Variants in FOCAD observed in about 807,000 individuals in gnomAD.
FOCAD encodes KIAA1797.
FOCAD carries 198 observed loss-of-function variants against 225.6 expected under a neutral mutation model. The observed-to-expected ratio is 0.88, with a 90% CI of 0.78 to 0.99. The LOEUF (loss-of-function observed/expected upper bound fraction) is 0.99. Among genes scored for constraint, FOCAD ranks in the 50% least tolerant of loss-of-function variants. The pLI is 0.00. For synonymous variants in FOCAD, 897 were observed against 755.0 expected (o/e 1.19, Z -3.08); for missense variants, 2,713 against 2,123.6 (o/e 1.28, Z -5.46).
intron 21 of FOCAD, among the ~76,000 whole-genome samples, chr9:20,900,867 C>T (rs2131976648): frequency 6.6e-6 from 1 of 151,700 alleles, no homozygotes; most frequent in East Asian, 1.9e-4. Context: ...CTAATGTTAC[C>T]CTGATTGGAA....
At chr9:20,745,335 C>G (rs1308904670) in intron 5 of FOCAD, among the ~76,000 whole-genome samples, 1 of 152,124 alleles carries the variant, frequency 6.6e-6, no homozygotes, top group Non-Finnish European at 1.5e-5. Context: ...AGCGATCCAC[C>G]TGCTTCGGCC....
chr9:20,871,932 T>TA lies in FOCAD; in HGVS notation c.2191-2739dup, dbSNP rs200673461. On this transcript the variant is annotated intron_variant, in intron 18 of 43. Coordinates refer to ENST00000338382, the MANE Select transcript of FOCAD (RefSeq NM_001375567.1). ...ATAATAATAATAAAATAAAAAAAATTAAAAAAAAAAGAAGTGATCAGAGGA... is the reference window on the plus strand; with the variant it reads ...ATAATAATAATAAAATAAAAAAAATTAAAAAAAAAAAGAAGTGATCAGAGGA... Among the ~76,000 whole-genome samples, 539 of 145,172 alleles carry TA rather than the reference T, an allele frequency of 3.7e-3. 10 individuals carry two copies. The East Asian group carries it at 0.045, about 12-fold the overall frequency.
chr9:20,720,650 T>A, intron 4 of FOCAD, 116 bp downstream of exon 4: 3 of 991,512 alleles, frequency 3.0e-6, no homozygotes, highest in African/African-American at 1.6e-5. Context: ...TTCTTGCTCT[T>A]AAAATGTCAT....
rs1174513961 is a variant in FOCAD, at chr9:20,948,883, T to G, written c.3831T>G (p.Leu1277=). The G allele has an allele frequency of 6.2e-7, 1 of 1,613,590 alleles. No homozygotes were observed. The highest frequency in any genetic ancestry group is 8.5e-7 in the Non-Finnish European group (1 of 1,179,578). Residue 1277 remains leucine, a synonymous_variant, in exon 32 of 44, where the codon CTT becomes CTG. Transcript: ENST00000338382. Reference sequence around the variant, plus strand: ...CCACAATGCTTTGTCTGGCAGCTCTTCATGGCATGGTGGCCTTGGTAGGCT... The same window carrying G: ...CCACAATGCTTTGTCTGGCAGCTCTGCATGGCATGGTGGCCTTGGTAGGCT... ...GTPTMLCLAA[L]HGMVALVGSE...
chr9:20,923,737 G>T lies in FOCAD; in HGVS notation c.2930G>T (p.Ser977Ile). 1 of 1,613,976 alleles carries T rather than the reference G, an allele frequency of 6.2e-7. No homozygotes were observed. Among genetic ancestry groups the T allele is most frequent in the Admixed American group, 1.7e-5 (1 of 60,004 alleles). ...LAVVVSRHEASLSSDSDGLLE... is the reference protein window; with the variant it reads ...LAVVVSRHEAILSSDSDGLLE... ...GTCGTCGTATCTAGACATGAAGCCA[G>T]CCTCTCCTCAGACTCTGACGGGCTC... The change falls in exon 25 of 44, where the codon AGC (serine) becomes ATC (isoleucine). Residue 977 changes from serine to isoleucine, a missense_variant. Physicochemically the swap from Ser to Ile is moderately radical, Grantham distance 142. Transcript: ENST00000338382.
At chr9:20,827,413 G>T (rs527290991) in intron 15 of FOCAD, among the ~76,000 whole-genome samples, 1 of 151,932 alleles carries the variant, frequency 6.6e-6, no homozygotes, top group East Asian at 1.9e-4. Flanking sequence ...ATTCTGTTTG[G>T]CTCTACCACA....
intron 2 of FOCAD, among the ~76,000 whole-genome samples, chr9:20,679,121 A>ATGTG (rs539231126): frequency 0.062 from 7,586 of 121,704 alleles, 263 homozygotes; most frequent in East Asian, 0.1. Context: ...CAGTCTGTGT[A>ATGTG]TGTGTGTGTG....
chr9:20,687,952 G>C (rs1425582014), intron 1 of FOCAD, among the ~76,000 whole-genome samples: 1 of 152,168 alleles, frequency 6.6e-6, no homozygotes, highest in African/African-American at 2.4e-5. Context: ...AAGTGAGTAG[G>C]AATTAGTTGG....
chr9:20,786,946 TC>T, intron 10 of FOCAD: 2 of 456,466 alleles, frequency 4.4e-6, no homozygotes, highest in South Asian at 1.7e-5. Flanking sequence ...TCACAGGTCC[TC>T]CCTCAGGCTA....
chr9:20,908,746 T>C (rs1309710336), intron 22 of FOCAD, among the ~76,000 whole-genome samples: 1 of 152,156 alleles, frequency 6.6e-6, no homozygotes, highest in East Asian at 1.9e-4. Flanking sequence ...ATTACAGTTT[T>C]TAGTCAGGAA....
At chr9:20,855,234 T>C (rs78335265) in intron 15 of FOCAD, among the ~76,000 whole-genome samples, 1 of 151,610 alleles carries the variant, frequency 6.6e-6, no homozygotes, top group Admixed American at 6.6e-5. Flanking sequence ...TGGTGATACA[T>C]GGGTAAATAA....
rs751571966 is a variant in FOCAD, at chr9:20,933,109, T to A, written c.3407+6T>A. The stretch of plus-strand genomic sequence containing the variant: ...GACACTAGTCTTGAATACAAGTATG[T>A]TGTTCCTATTTCCACTCTCACAGGT... On this transcript the variant is annotated splice_donor_region_variant and intron_variant, in intron 28 of 43. Coordinates refer to ENST00000338382, the MANE Select transcript of FOCAD (RefSeq NM_001375567.1). The A allele has an allele frequency of 6.2e-7, 1 of 1,606,274 alleles. No individual in the cohort carries two copies. Among genetic ancestry groups the A allele is most frequent in the South Asian group, 1.1e-5 (1 of 90,902 alleles).
intron 21 of FOCAD, among the ~76,000 whole-genome samples, chr9:20,901,544 T>A (rs1832565970): frequency 6.6e-6 from 1 of 151,722 alleles, no homozygotes; most frequent in Admixed American, 6.6e-5. Flanking sequence ...TTTGTTAAGA[T>A]CACTCAAGAG....
At chr9:20,795,738 C>T (rs1461278929) in intron 11 of FOCAD, among the ~76,000 whole-genome samples, 6 of 131,776 alleles carry the variant, frequency 4.6e-5, no homozygotes, top group African/African-American at 1.8e-4. Flanking sequence ...GAGCTGAGAT[C>T]GCACCACTGC....
At chr9:20,778,407 A>G (rs1033747179) in intron 8 of FOCAD, among the ~76,000 whole-genome samples, 2 of 152,048 alleles carry the variant, frequency 1.3e-5, no homozygotes, top group African/African-American at 4.8e-5. Context: ...TTTTTGATAG[A>G]GACGGGGTTT....
chr9:20,940,948 C>T (rs1836594761), intron 28 of FOCAD, among the ~76,000 whole-genome samples: 1 of 152,016 alleles, frequency 6.6e-6, no homozygotes, highest in Non-Finnish European at 1.5e-5. Flanking sequence ...ATGCAAGTGT[C>T]ACCCACACTT....
chr9:20,700,383 C>T (rs937405797), intron 1 of FOCAD, among the ~76,000 whole-genome samples: 4 of 151,526 alleles, frequency 2.6e-5, no homozygotes, highest in East Asian at 3.9e-4. Context: ...TTAGCTTTTA[C>T]ATGTGTTCTT....
At chr9:20,870,842 G>A (rs370256146) in intron 18 of FOCAD, among the ~76,000 whole-genome samples, 1 of 152,180 alleles carries the variant, frequency 6.6e-6, no homozygotes, top group Non-Finnish European at 1.5e-5. Context: ...CCTACGATGG[G>A]TTTATTGGGA....
chr9:20,946,305 G>A (rs1278263649), intron 29 of FOCAD, among the ~76,000 whole-genome samples: 1 of 152,140 alleles, frequency 6.6e-6, no homozygotes, highest in African/African-American at 2.4e-5. Context: ...CCTTGGATGG[G>A]AATGCATGGC....
Sources: allele counts gnomAD v4.1 joint callset (sites outside exome capture counted in the v4.1 genomes callset), GRCh38; gene constraint gnomAD v4.1.1; transcripts MANE v1.5; gene names NCBI Gene and HGNC (gene_info 2026-07-23, HGNC 2026-07-21).